GON4L: variants seen among roughly 807,000 people sequenced by gnomAD.
The protein encoded by GON4L is GON-4-like protein.
In GON4L, 87 loss-of-function variants were observed where a neutral mutation model predicts 211.8. The ratio of observed to expected loss-of-function variants is 0.41; its 90% CI spans 0.35 to 0.49. GON4L has a LOEUF of 0.49. Ranked by LOEUF, GON4L falls within the 20% of genes least tolerant of loss-of-function variation. The pLI, the probability that GON4L is intolerant of heterozygous loss-of-function variation, is 0.15. For missense variants in GON4L, 2,155 were observed against 2,659.5 expected (o/e 0.81, Z 4.17); for synonymous variants, 875 against 962.6 (o/e 0.91, Z 1.68).
intron 8 of GON4L, among the ~76,000 whole-genome samples, chr1:155,814,654 G>T (rs1241425431): frequency 1.3e-5 from 2 of 151,988 alleles, no homozygotes; most frequent in African/African-American, 4.8e-5. Flanking sequence ...GCTGAGGCAG[G>T]AGTATCACTT....
At chr1:155,840,763 T>G (rs576326380) in intron 2 of GON4L, among the ~76,000 whole-genome samples, 8 of 152,320 alleles carry the variant, frequency 5.3e-5, no homozygotes, top group African/African-American at 1.7e-4. Flanking sequence ...ACGGGCGCAG[T>G]TGATCACGCC....
intron 2 of GON4L, among the ~76,000 whole-genome samples, chr1:155,841,042 A>T (rs1247540560): frequency 6.6e-6 from 1 of 152,228 alleles, no homozygotes; most frequent in African/African-American, 2.4e-5. Context: ...TCTCAAAAAA[A>T]AAGTAAACTG....
At chr1:155,801,296 T>G (rs1402385586) in intron 11 of GON4L, among the ~76,000 whole-genome samples, 1 of 152,086 alleles carries the variant, frequency 6.6e-6, no homozygotes, top group Non-Finnish European at 1.5e-5. Context: ...CTGCATAGTT[T>G]TCATCAGATT....
At chr1:155,752,873 A>T (rs1162711348) in intron 29 of GON4L, among the ~76,000 whole-genome samples, 2 of 152,136 alleles carry the variant, frequency 1.3e-5, no homozygotes, top group Non-Finnish European at 2.9e-5. Flanking sequence ...TTATGCAAAG[A>T]TATAAAGTCC....
chr1:155,754,903 CTT>C (rs112004109), intron 27 of GON4L, among the ~76,000 whole-genome samples: 15 of 104,554 alleles, frequency 1.4e-4, no homozygotes, highest in Admixed American at 3.0e-4. Context: ...TCTCCCCATG[CTT>C]TTTTTTTTTT....
chr1:155,758,358 T>C (rs1661407222), intron 24 of GON4L, among the ~76,000 whole-genome samples: 2 of 152,222 alleles, frequency 1.3e-5, no homozygotes, highest in African/African-American at 4.8e-5. Context: ...TACAAAGAAC[T>C]TTCAGGCTGC....
In GON4L at chr1:155,825,375, C is replaced by A. The variant is rs547749875; in HGVS notation, c.697+1462G>T. 4.6e-5 allele frequency among the ~76,000 whole-genome samples: 7 copies of A among 150,990 alleles called. No homozygotes were observed. The South Asian group carries it at 1.5e-3, about 32-fold the overall frequency. On this transcript the variant is annotated intron_variant, in intron 3 of 31. Transcript: ENST00000368331. ...ATCACCTGAGGTCAGGAGATCGAGA[C>A]CAGCCTGGCCAACATGGTGAAAGCC...
chr1:155,758,398 T>C (rs923391344), intron 24 of GON4L, among the ~76,000 whole-genome samples: 1 of 152,228 alleles, frequency 6.6e-6, no homozygotes, highest in African/African-American at 2.4e-5. Flanking sequence ...TAATCCCATG[T>C]TGGGAGGCCA....
chr1:155,767,369 C>A (rs1662622332), intron 20 of GON4L, 56 bp downstream of exon 20: 20 of 1,613,900 alleles, frequency 1.2e-5, no homozygotes, highest in Non-Finnish European at 1.4e-5. Context: ...TTGATATTCT[C>A]TCAGAACTTT....
intron 24 of GON4L, 32 bp downstream of exon 24, chr1:155,760,412 T>C: frequency 7.4e-7 from 1 of 1,358,634 alleles, no homozygotes; most frequent in East Asian, 2.3e-5. Context: ...GACCCAGGAG[T>C]CCCAGTGTAC....
At chr1:155,855,497 C>A (rs867588073) in intron 1 of GON4L, among the ~76,000 whole-genome samples, 14 of 152,082 alleles carry the variant, frequency 9.2e-5, no homozygotes, top group Admixed American at 9.2e-4. Flanking sequence ...ATTGGGATTA[C>A]GGTCCCATCC....
In GON4L at chr1:155,856,846, C is replaced by T. The variant is rs186343788; in HGVS notation, c.-27+301G>A. Reference sequence around the variant, plus strand: ...CACCTCAAACACAGCAGTAGCTCGACAGAATCCACTTTTTTGGGAACCCAA... The same window carrying T: ...CACCTCAAACACAGCAGTAGCTCGATAGAATCCACTTTTTTGGGAACCCAA... On this transcript the variant is annotated intron_variant, in intron 1 of 31. Transcript: ENST00000368331. Among the ~76,000 whole-genome samples, 239 of 149,092 alleles carry T rather than the reference C, an allele frequency of 1.6e-3. 1 individual carries two copies. Among genetic ancestry groups the T allele is most frequent in the African/African-American group, 5.9e-3 (226 of 38,506 alleles).
At chr1:155,809,664 C>A in intron 10 of GON4L, among the ~76,000 whole-genome samples, 2 of 36,580 alleles carry the variant, frequency 5.5e-5, no homozygotes, top group African/African-American at 1.2e-4. Context: ...AAATTATATA[C>A]TTATATATAC....
In GON4L at chr1:155,750,765, CTTTTTT is replaced by C; in HGVS notation, c.6577-38_6577-33del. 5 of 1,373,400 alleles carry C rather than the reference CTTTTTT, an allele frequency of 3.6e-6. No individual in the cohort carries two copies. The South Asian group carries it at 6.7e-5, about 18-fold the overall frequency. 85.1% of individuals were successfully genotyped at this position (1,373,400 alleles called of 1,614,324 possible). On this transcript the variant is annotated intron_variant, in intron 31 of 31. Coordinates refer to ENST00000368331, the MANE Select transcript of GON4L (RefSeq NM_001282860.2). ...AAGGAGGAGGGCTGTATTCACTGGT[CTTTTTT>C]TTTTGTTTTTGAGACGGAGTCTCTC...
At chr1:155,745,700 A>G (rs1660231445), downstream of GON4L, 2 of 786,008 alleles carry the variant, frequency 2.5e-6, no homozygotes, top group East Asian at 2.6e-5. Context: ...CATTTCTCCA[A>G]TGGGAAAGGA....
intron 7 of GON4L, 48 bp downstream of exon 7, chr1:155,816,164 G>A (rs778088865): frequency 2.2e-6 from 2 of 918,048 alleles, no homozygotes; most frequent in Non-Finnish European, 1.8e-6. Context: ...TTTCAAAACC[G>A]ATGAAGTCTT....
At chr1:155,745,531 C>G (rs1222761203), downstream of GON4L, among the ~76,000 whole-genome samples, 1 of 152,254 alleles carries the variant, frequency 6.6e-6, no homozygotes, top group East Asian at 1.9e-4. Flanking sequence ...CCGCGGCCCG[C>G]GCCCTGGCGG....
intron 2 of GON4L, among the ~76,000 whole-genome samples, chr1:155,849,916 C>CT (rs931861156): frequency 1.8e-4 from 27 of 148,806 alleles, no homozygotes; most frequent in Non-Finnish European, 3.8e-4. Flanking sequence ...AAGGAAATGC[C>CT]TTTTTTCCAG....
At position 155,752,288 on chromosome 1, in the gene GON4L, C is replaced by G. The variant is rs1238381296; in HGVS notation, c.6145G>C (p.Ala2049Pro). 1.9e-6 allele frequency: 3 copies of G among 1,585,632 alleles called. No homozygotes were observed. The African/African-American group carries it at 4.0e-5, about 21-fold the overall frequency. The change falls in exon 30 of 32, where the codon GCT (alanine) becomes CCT (proline). Residue 2049 changes from alanine to proline, a missense_variant. By Grantham distance (27) the Ala-to-Pro change is conservative. This residue lies in a region of GON4L where 186 missense variants were observed against 308.1 expected (regional missense o/e 0.60). Transcript: ENST00000368331. ...GAGGAAACAGGACTCAGGAAGGAAG[C>G]AGGGGGTTCCACGGTACCAGGCAAT... is the stretch of plus-strand genomic sequence containing the variant. Reference protein sequence around the residue: ...EKLPGTVEPPASFLSPVSSKT... With the variant: ...EKLPGTVEPPPSFLSPVSSKT...
Sources: gnomAD v4.1 joint callset for allele counts (sites outside exome capture counted in the v4.1 genomes callset) on GRCh38, gnomAD v4.1.1 for gene constraint, gnomAD v4.1.1 regional missense constraint, MANE v1.5 for transcripts, NCBI Gene and HGNC (gene_info 2026-07-23, HGNC 2026-07-21) for gene names.